Variants in MEGF11 observed in about 807,000 individuals in gnomAD.
The protein encoded by MEGF11 is multiple EGF like domains 11, also known as multiple epidermal growth factor-like domains protein 11.
In MEGF11, 126 loss-of-function variants were observed where a neutral mutation model predicts 146.6. The observed-to-expected ratio is 0.86, with a 90% CI of 0.74 to 1.00. The LOEUF (loss-of-function observed/expected upper bound fraction) is 1.00, where lower values mean the gene tolerates loss of function less well. Ranked by LOEUF, MEGF11 falls within the 50% of genes least tolerant of loss-of-function variation. MEGF11 has a pLI of 0.00. For synonymous variants in MEGF11, 532 were observed against 583.4 expected, an observed-to-expected ratio of 0.91 and a Z score of 1.27; for missense variants, 1,509 against 1,521.2, an observed-to-expected ratio of 0.99 and a Z score of 0.13.
chr15:65,968,751 A>G (rs1428272597), intron 8 of MEGF11, among the ~76,000 whole-genome samples: 5 of 152,212 alleles, frequency 3.3e-5, no homozygotes, highest in Admixed American at 2.6e-4. Context: ...AATGTGTCCA[A>G]TATTGCCATT....
chr15:66,032,141 T>C (rs1313466047), intron 5 of MEGF11, among the ~76,000 whole-genome samples: 1 of 152,206 alleles, frequency 6.6e-6, no homozygotes, highest in African/African-American at 2.4e-5. Context: ...TTGTCCTCCA[T>C]GAAACTGGTC....
chr15:66,134,206 A>C (rs1018428751), intron 1 of MEGF11, among the ~76,000 whole-genome samples: 2 of 151,340 alleles, frequency 1.3e-5, no homozygotes, highest in Non-Finnish European at 2.9e-5. Context: ...CGCCAAACTA[A>C]TAAAGCGCCA....
intron 5 of MEGF11, among the ~76,000 whole-genome samples, chr15:66,076,996 T>C (rs2140506906): frequency 6.6e-6 from 1 of 152,248 alleles, no homozygotes; most frequent in African/African-American, 2.4e-5. Context: ...ACATGCTACT[T>C]AGGAGAAGAA....
chr15:66,166,915 G>T (rs551266030), intron 1 of MEGF11, among the ~76,000 whole-genome samples: 42 of 152,146 alleles, frequency 2.8e-4, no homozygotes, highest in Non-Finnish European at 5.4e-4. Context: ...ACAGGGTGGA[G>T]AACACAGCAG....
intron 10 of MEGF11, among the ~76,000 whole-genome samples, chr15:65,952,434 G>T (rs1250941854): frequency 1.3e-5 from 2 of 152,064 alleles, no homozygotes; most frequent in Non-Finnish European, 2.9e-5. Context: ...AGCTCAGCGG[G>T]GTGTGAAGAA....
At chr15:66,074,599 C>T (rs1355738093) in intron 5 of MEGF11, among the ~76,000 whole-genome samples, 2 of 152,142 alleles carry the variant, frequency 1.3e-5, no homozygotes, top group African/African-American at 2.4e-5. Context: ...TTTAAAATAT[C>T]GGTGTGTGAA....
intron 9 of MEGF11, among the ~76,000 whole-genome samples, chr15:65,963,320 C>G (rs925080023): frequency 6.6e-6 from 1 of 152,218 alleles, no homozygotes; most frequent in Non-Finnish European, 1.5e-5. Context: ...CAGATGCCAC[C>G]TCTTCTAGGA....
intron 5 of MEGF11, among the ~76,000 whole-genome samples, chr15:66,049,061 G>A (rs2084345650): frequency 6.6e-6 from 1 of 152,126 alleles, no homozygotes; most frequent in Non-Finnish European, 1.5e-5. Flanking sequence ...GGCATTCTGG[G>A]GGAGGCAGCC....
intron 10 of MEGF11, among the ~76,000 whole-genome samples, chr15:65,944,069 A>G (rs2080102999): frequency 6.6e-6 from 1 of 152,184 alleles, no homozygotes; most frequent in Admixed American, 6.5e-5. Flanking sequence ...GGATGCTTCT[A>G]AACTATCTGT....
At chr15:65,900,394 A>G (rs1397019646) in intron 24 of MEGF11, among the ~76,000 whole-genome samples, 2 of 152,370 alleles carry the variant, frequency 1.3e-5, no homozygotes, top group East Asian at 3.9e-4. Flanking sequence ...AACACTCCGT[A>G]TGGCTGAAGT....
At position 65,964,898 on chromosome 15, in the gene MEGF11, C is replaced by CG; in HGVS notation, c.1112+9_1112+10insC. 1 of 1,540,872 alleles carries CG rather than the reference C, an allele frequency of 6.5e-7. No individual in the cohort carries two copies. Among genetic ancestry groups the CG allele is most frequent in the Non-Finnish European group, 8.8e-7 (1 of 1,137,096 alleles). On this transcript the variant is annotated intron_variant, in intron 9 of 25. Coordinates refer to ENST00000395614, the MANE Select transcript of MEGF11 (RefSeq NM_001385028.1). ...CCCTTGTCCCGGGCTCGCCCATTCC[C>CG]AGCTCATACCTGATGGTGTTGTCAG...
At chr15:66,097,915 C>A (rs2086622107) in intron 4 of MEGF11, among the ~76,000 whole-genome samples, 1 of 152,118 alleles carries the variant, frequency 6.6e-6, no homozygotes, top group African/African-American at 2.4e-5. Flanking sequence ...GCTGTGAGAA[C>A]TTAGCTCATC....
At chr15:65,965,338 C>A (rs982154855) in intron 8 of MEGF11, 23 of 480,670 alleles carry the variant, frequency 4.8e-5, no homozygotes, top group East Asian at 2.3e-4. Flanking sequence ...TCGGCTCAGT[C>A]CCCCCAGCAA....
At chr15:66,047,271 T>C (rs1314705442) in intron 5 of MEGF11, among the ~76,000 whole-genome samples, 4 of 152,182 alleles carry the variant, frequency 2.6e-5, no homozygotes, top group Non-Finnish European at 4.4e-5. Context: ...TGTATGTTGT[T>C]CAACAAACAG....
At chr15:65,951,148 G>A (rs2080387616) in intron 10 of MEGF11, among the ~76,000 whole-genome samples, 1 of 152,228 alleles carries the variant, frequency 6.6e-6, no homozygotes, top group African/African-American at 2.4e-5. Flanking sequence ...GAAACAAAGG[G>A]ATGGAATGGT....
chr15:65,899,566 A>C (rs1237785484), intron 24 of MEGF11, among the ~76,000 whole-genome samples: 2 of 152,212 alleles, frequency 1.3e-5, no homozygotes, highest in Non-Finnish European at 2.9e-5. Flanking sequence ...TGCATGTTTT[A>C]GCACAGATGT....
At chr15:65,917,938 G>A (rs1391998626) in intron 16 of MEGF11, 28 bp downstream of exon 16, 2 of 1,613,492 alleles carry the variant, frequency 1.2e-6, no homozygotes, top group African/African-American at 2.7e-5. Context: ...ACCCCAGGTA[G>A]GGGCATTCCC....
At chr15:65,977,847 T>G (rs1410101686) in intron 7 of MEGF11, among the ~76,000 whole-genome samples, 1 of 152,138 alleles carries the variant, frequency 6.6e-6, no homozygotes, top group Non-Finnish European at 1.5e-5. Context: ...GTGGGGGATG[T>G]CAATCCTATT....
At chr15:65,932,224 A>C (rs2079604929) in intron 10 of MEGF11, among the ~76,000 whole-genome samples, 1 of 152,046 alleles carries the variant, frequency 6.6e-6, no homozygotes, top group African/African-American at 2.4e-5. Context: ...AGGGAGGGAG[A>C]TCCTTTATGC....
Sources: gnomAD v4.1 joint callset for allele counts (sites outside exome capture counted in the v4.1 genomes callset) on GRCh38, gnomAD v4.1.1 for gene constraint, MANE v1.5 for transcripts, NCBI Gene and HGNC (gene_info 2026-07-23, HGNC 2026-07-21) for gene names.